DPP10: variants seen among roughly 807,000 people sequenced by gnomAD.
The protein encoded by DPP10 is dipeptidyl peptidase like 10, also known as inactive dipeptidyl peptidase 10.
DPP10 carries 33 observed loss-of-function variants against 120.9 expected under a neutral mutation model. The observed-to-expected ratio is 0.27, with a 90% CI of 0.21 to 0.37. The LOEUF is 0.37. Among genes scored for constraint, DPP10 ranks in the 10% least tolerant of loss-of-function variants. DPP10 has a pLI of 1.00. For synonymous variants in DPP10, 337 were observed against 326.1 expected, an observed-to-expected ratio of 1.03 and a Z score of -0.36; for missense variants, 816 against 942.8, an observed-to-expected ratio of 0.87 and a Z score of 1.76.
At chr2:114,868,576 C>A (rs1315287950) in intron 1 of DPP10, among the ~76,000 whole-genome samples, 1 of 152,102 alleles carries the variant, frequency 6.6e-6, no homozygotes, top group African/African-American at 2.4e-5. Flanking sequence ...TACAAGGACA[C>A]ACACTTGGTA....
At chr2:114,565,387 C>G (rs1689119876) in intron 1 of DPP10, among the ~76,000 whole-genome samples, 2 of 152,138 alleles carry the variant, frequency 1.3e-5, no homozygotes, top group Admixed American at 6.5e-5. Flanking sequence ...ACATTGCCCA[C>G]CTGATCTGTT....
chr2:115,119,436 T>C (rs1351579766), intron 1 of DPP10, among the ~76,000 whole-genome samples: 1 of 152,188 alleles, frequency 6.6e-6, no homozygotes, highest in Non-Finnish European at 1.5e-5. Context: ...GATCATCACC[T>C]GATGGTCACC....
intron 1 of DPP10, among the ~76,000 whole-genome samples, chr2:114,923,713 G>A (rs962626410): frequency 2.7e-5 from 4 of 150,634 alleles, no homozygotes; most frequent in East Asian, 3.9e-4. Context: ...TGATCCGCCC[G>A]CCTTGGCCTC....
intron 1 of DPP10, among the ~76,000 whole-genome samples, chr2:114,725,482 G>C (rs1701985424): frequency 6.6e-6 from 1 of 152,032 alleles, no homozygotes; most frequent in Admixed American, 6.6e-5. Context: ...AAGTTTCCAG[G>C]TTTCAAAGGC....
chr2:115,581,561 C>A (rs999121850), intron 5 of DPP10, among the ~76,000 whole-genome samples: 5 of 152,044 alleles, frequency 3.3e-5, no homozygotes, highest in Non-Finnish European at 5.9e-5. Flanking sequence ...AATAACTCTT[C>A]TAAATAAATA....
intron 1 of DPP10, among the ~76,000 whole-genome samples, chr2:115,052,307 C>CA (rs1705555283): frequency 6.6e-6 from 1 of 150,578 alleles, no homozygotes; most frequent in Admixed American, 6.6e-5. Context: ...GCACAAGCAG[C>CA]AAAAGAAAAA....
At chr2:114,568,197 A>G (rs1473913188) in intron 1 of DPP10, among the ~76,000 whole-genome samples, 1 of 151,952 alleles carries the variant, frequency 6.6e-6, no homozygotes, top group Non-Finnish European at 1.5e-5. Context: ...TATTTTATAT[A>G]TTTATGGGGG....
intron 5 of DPP10, among the ~76,000 whole-genome samples, chr2:115,663,771 C>A (rs941635542): frequency 6.6e-6 from 1 of 151,970 alleles, no homozygotes; most frequent in Non-Finnish European, 1.5e-5. Flanking sequence ...CTGAGGCAGG[C>A]GGATCACGAG....
rs958120039 is a variant in DPP10 at position 114,842,285 on chromosome 2, G to T, written c.60+399447G>T. Among the ~76,000 whole-genome samples the T allele has an allele frequency of 4.0e-4, 61 of 152,114 alleles. 1 individual carries two copies. The highest frequency in any genetic ancestry group is 1.4e-3 in the African/African-American group (57 of 41,428). The stretch of plus-strand genomic sequence containing the variant: ...CCTTACCAGAAGGCACTAATGGCTA[G>T]GTTAGGTGGGAAAAAGATAAAGACA... On this transcript the variant is annotated intron_variant, in intron 1 of 25. Coordinates refer to ENST00000410059, the MANE Select transcript of DPP10 (RefSeq NM_020868.6).
At chr2:115,276,135 G>A (rs573757806) in intron 1 of DPP10, among the ~76,000 whole-genome samples, 1 of 152,218 alleles carries the variant, frequency 6.6e-6, no homozygotes, top group East Asian at 1.9e-4. Context: ...TTTGCTCTTG[G>A]CTGTAGGTAT....
At chr2:115,209,405 CAA>C (rs948937653) in intron 1 of DPP10, among the ~76,000 whole-genome samples, 11 of 151,704 alleles carry the variant, frequency 7.3e-5, no homozygotes, top group Admixed American at 2.0e-4. Context: ...TGTACACTCA[CAA>C]ACATATATAT....
intron 19 of DPP10, among the ~76,000 whole-genome samples, chr2:115,807,088 A>G (rs1193552791): frequency 1.3e-5 from 2 of 152,216 alleles, no homozygotes; most frequent in Non-Finnish European, 2.9e-5. Context: ...TGATATAGCT[A>G]TTCCCAGCAA....
intron 1 of DPP10, among the ~76,000 whole-genome samples, chr2:114,585,893 A>T (rs1690940883): frequency 6.6e-6 from 1 of 152,234 alleles, no homozygotes; most frequent in East Asian, 1.9e-4. Context: ...AAGGACACAT[A>T]GAAAATTGAG....
intron 1 of DPP10, among the ~76,000 whole-genome samples, chr2:114,877,589 G>C (rs114677931): frequency 1.3e-5 from 2 of 151,990 alleles, no homozygotes; most frequent in Non-Finnish European, 2.9e-5. Context: ...AGTGAACGGC[G>C]GACACACACA....
chr2:115,657,174 A>G (rs2088442360), intron 5 of DPP10, among the ~76,000 whole-genome samples: 1 of 151,706 alleles, frequency 6.6e-6, no homozygotes, highest in Non-Finnish European at 1.5e-5. Context: ...TGCTTATTCA[A>G]ATTTATTTAA....
intron 1 of DPP10, among the ~76,000 whole-genome samples, chr2:115,279,062 G>T (rs901654331): frequency 6.6e-6 from 1 of 152,120 alleles, no homozygotes; most frequent in Admixed American, 6.6e-5. Flanking sequence ...CACCAAAAGC[G>T]CAAGCAATGA....
intron 1 of DPP10, among the ~76,000 whole-genome samples, chr2:115,183,889 G>A (rs1385092346): frequency 6.6e-6 from 1 of 152,166 alleles, no homozygotes; most frequent in Admixed American, 6.5e-5. Flanking sequence ...ACAGGAGGAT[G>A]TCAGAGGGCT....
intron 1 of DPP10, among the ~76,000 whole-genome samples, chr2:114,534,857 T>C (rs1686349778): frequency 6.6e-6 from 1 of 152,178 alleles, no homozygotes; most frequent in Non-Finnish European, 1.5e-5. Context: ...CTTCCTTCCC[T>C]TTATCTGCCT....
chr2:114,843,682 C>T (rs1337727195), intron 1 of DPP10, among the ~76,000 whole-genome samples: 2 of 152,092 alleles, frequency 1.3e-5, no homozygotes, highest in Non-Finnish European at 2.9e-5. Flanking sequence ...CTCAGTTTGT[C>T]TGGCTCTCAG....
Sources: allele counts gnomAD v4.1 joint callset (sites outside exome capture counted in the v4.1 genomes callset), GRCh38; gene constraint gnomAD v4.1.1; transcripts MANE v1.5; gene names NCBI Gene and HGNC (gene_info 2026-07-23, HGNC 2026-07-21).